LAMB3: variants seen among roughly 807,000 people sequenced by gnomAD.
LAMB3 encodes the protein laminin subunit beta 3, also known as laminin subunit beta-3.
A neutral mutation model predicts 140.3 loss-of-function variants in LAMB3; 104 were observed. The observed-to-expected ratio is 0.74, with a 90% CI of 0.63 to 0.87. The LOEUF is 0.87. LAMB3 is among the 40% of genes least tolerant of loss of function. LAMB3 has a pLI of 0.00. For missense variants in LAMB3, 1,531 were observed against 1,575.2 expected (o/e 0.97, Z 0.47); for synonymous variants, 592 against 602.9 (o/e 0.98, Z 0.26).
intron 5 of LAMB3, among the ~76,000 whole-genome samples, chr1:209,637,173 G>T (rs1666922383): frequency 6.6e-6 from 1 of 152,104 alleles, no homozygotes; most frequent in South Asian, 2.1e-4. Flanking sequence ...CCTTTAGATG[G>T]GGCAAGGCTC....
At chr1:209,628,976 A>G (rs986914807) in intron 10 of LAMB3, among the ~76,000 whole-genome samples, 1 of 152,240 alleles carries the variant, frequency 6.6e-6, no homozygotes, top group African/African-American at 2.4e-5. Flanking sequence ...TGCAAGAAAC[A>G]GGGATCAAAC....
chr1:209,634,344 C>T (rs985899696), intron 6 of LAMB3, 103 bp downstream of exon 6: 14 of 1,202,288 alleles, frequency 1.2e-5, no homozygotes, highest in Middle Eastern at 1.9e-4. Flanking sequence ...GGGGAGCTGG[C>T]GAGGGTGTTT....
At chr1:209,636,179 A>G (rs1666888419) in intron 5 of LAMB3, among the ~76,000 whole-genome samples, 1 of 142,536 alleles carries the variant, frequency 7.0e-6, no homozygotes, top group South Asian at 2.2e-4. Context: ...CTTGCTTTTT[A>G]TTCTTTTCCT....
chr1:209,635,686 A>G (rs1275624062), intron 5 of LAMB3, among the ~76,000 whole-genome samples: 2 of 152,076 alleles, frequency 1.3e-5, no homozygotes, highest in Non-Finnish European at 2.9e-5. Context: ...TGCAGGTGTG[A>G]GCCACTGTGC....
At chr1:209,650,550 G>T (rs901544230) in intron 2 of LAMB3, among the ~76,000 whole-genome samples, 2 of 152,204 alleles carry the variant, frequency 1.3e-5, no homozygotes, top group African/African-American at 2.4e-5. Flanking sequence ...CTTCAAAGCT[G>T]CCCCAGCCAT....
At chr1:209,643,219 T>C (rs1226206042) in intron 3 of LAMB3, among the ~76,000 whole-genome samples, 1 of 152,246 alleles carries the variant, frequency 6.6e-6, no homozygotes, top group Non-Finnish European at 1.5e-5. Context: ...TTCTGCTTTA[T>C]TCTTGTATGC....
At chr1:209,650,219 C>T in intron 2 of LAMB3, 101 bp from the exon 3 acceptor site, 3 of 1,199,410 alleles carry the variant, frequency 2.5e-6, no homozygotes, top group Non-Finnish European at 3.6e-6. Flanking sequence ...AAGATTATAT[C>T]CTTTCCCTCA....
Position 209,623,702 on chromosome 1 carries a change from C to T in LAMB3, c.2161G>A (p.Ala721Thr). 1 of 1,614,110 alleles carries T rather than the reference C, an allele frequency of 6.2e-7. No homozygotes were observed. The highest frequency in any genetic ancestry group is 8.5e-7 in the Non-Finnish European group (1 of 1,180,024). The change falls in exon 16 of 23, where the codon GCC becomes ACC. Residue 721 changes from alanine to threonine, a missense_variant. Transcript: ENST00000356082. This position sits in a 1 kb window ranked among gnomAD's most constrained non-coding sequence, Gnocchi z 4.2. ...PSGAFRMLST[A>T]YEQSAQAAQQ... ...GCAGCCTGGGCTGACTGCTCGTAGGCTGTGCTCAGCATCCGGAAGGCTCCT... is the reference window on the plus strand; with the variant it reads ...GCAGCCTGGGCTGACTGCTCGTAGGTTGTGCTCAGCATCCGGAAGGCTCCT...
chr1:209,643,556 G>A (rs1045466198), intron 3 of LAMB3, among the ~76,000 whole-genome samples: 2 of 152,230 alleles, frequency 1.3e-5, no homozygotes, highest in African/African-American at 4.8e-5. Context: ...CAGAGAGCCA[G>A]GGGAGGGCAA....
intron 3 of LAMB3, among the ~76,000 whole-genome samples, chr1:209,646,919 A>G (rs1279227377): frequency 2.6e-5 from 4 of 152,260 alleles, no homozygotes; most frequent in African/African-American, 7.2e-5. Flanking sequence ...ATTTTCATCC[A>G]TGCCTTGAGA....
rs568428420 is a variant in LAMB3, at chr1:209,623,091, G to A, written c.2447C>T (p.Ser816Phe). 21 of 1,614,214 alleles carry A rather than the reference G, an allele frequency of 1.3e-5. No homozygotes were observed. The highest frequency in any genetic ancestry group is 2.2e-5 in the East Asian group (1 of 44,870). The stretch of plus-strand genomic sequence containing the variant: ...CCTGGGAAGGACACCCCTGCAGCGG[G>A]AGCCACAGGCTGTGCCATTGTCTTG... ...CPQDNGTACGSRCRGVLPRAG... is the reference protein window; with the variant it reads ...CPQDNGTACGFRCRGVLPRAG... The change falls in exon 17 of 23, where the codon TCC (serine) becomes TTC (phenylalanine). Residue 816 changes from serine (S) to phenylalanine (F), a missense_variant. Ser to Phe is a radical substitution (Grantham distance 155). Coordinates refer to ENST00000356082, the MANE Select transcript of LAMB3 (RefSeq NM_000228.3). The surrounding 1 kb of genome is among the most constrained non-coding windows in gnomAD (Gnocchi z 4.2).
rs756014878 is a variant in LAMB3, at chr1:209,625,720, C to T, written c.1904G>A (p.Arg635Gln). The T allele has an allele frequency of 1.9e-6, 3 of 1,614,122 alleles. No homozygotes were observed. The highest frequency in any genetic ancestry group is 1.3e-5 in the African/African-American group (1 of 75,048). ...LDAKSKIEQI[R>Q]AVLSSPAVTE... The stretch of plus-strand genomic sequence containing the variant: ...GACTGCGGGGCTGCTGAGAACTGCT[C>T]GGATCTGCTCAATCTTACTCTTTGC... The change falls in exon 14 of 23, where the codon CGA becomes CAA. Residue 635 changes from arginine to glutamine, a missense_variant. Transcript: ENST00000356082.
chr1:209,626,405 G>GAAGGAAA (rs1666456066), intron 13 of LAMB3, among the ~76,000 whole-genome samples: 1 of 152,200 alleles, frequency 6.6e-6, no homozygotes, highest in Non-Finnish European at 1.5e-5. Context: ...CTCCCTCAAA[G>GAAGGAAA]TCACTCAGTG....
At chr1:209,621,529 C>A (rs1025669085) in intron 18 of LAMB3, among the ~76,000 whole-genome samples, 1 of 152,210 alleles carries the variant, frequency 6.6e-6, no homozygotes. Context: ...GGGCTCCCAG[C>A]CAAGCAAATA....
intron 22 of LAMB3, 113 bp from the exon 23 acceptor site, chr1:209,615,520 C>A (rs1665925942): frequency 7.7e-7 from 1 of 1,297,222 alleles, no homozygotes; most frequent in East Asian, 2.6e-5. Context: ...GAGGAATCCC[C>A]TCCAGAAAAA....
At chr1:209,649,797 T>C (rs1361568969) in intron 3 of LAMB3, among the ~76,000 whole-genome samples, 167 bp downstream of exon 3, 1 of 152,224 alleles carries the variant, frequency 6.6e-6, no homozygotes, top group Non-Finnish European at 1.5e-5. Flanking sequence ...AACAGGTAAA[T>C]TCCTTAGAGG....
intron 10 of LAMB3, 31 bp downstream of exon 10, chr1:209,629,706 G>A (rs1441629810): frequency 6.2e-7 from 1 of 1,604,412 alleles, no homozygotes; most frequent in South Asian, 1.1e-5. Flanking sequence ...ACAGACAAAT[G>A]ACACTCTGGG....
intron 6 of LAMB3, 49 bp downstream of exon 6, chr1:209,634,398 C>T (rs771044477): frequency 1.5e-5 from 23 of 1,559,736 alleles, no homozygotes; most frequent in Non-Finnish European, 2.0e-5. Flanking sequence ...AACAGTGGGA[C>T]ATCAGGGATT....
chr1:209,649,203 C>T (rs1397239073), intron 3 of LAMB3, among the ~76,000 whole-genome samples: 1 of 152,162 alleles, frequency 6.6e-6, no homozygotes, highest in Non-Finnish European at 1.5e-5. Context: ...GGTCTCTTTC[C>T]CCAAAAGGCT....
Sources: allele counts gnomAD v4.1 joint callset (sites outside exome capture counted in the v4.1 genomes callset), GRCh38; gene constraint gnomAD v4.1.1; non-coding constraint Gnocchi (gnomAD v3.1); transcripts MANE v1.5; gene names NCBI Gene and HGNC (gene_info 2026-07-23, HGNC 2026-07-21).